The following EEFSEC variants were observed in gnomAD, a reference collection of about 807,000 sequenced individuals.
The protein encoded by EEFSEC is eukaryotic elongation factor, selenocysteine-tRNA specific.
Under a neutral mutation model 42.1 loss-of-function variants are expected in EEFSEC, and 43 were observed. That is an observed-to-expected ratio of 1.02 (90% CI 0.80 to 1.32). The LOEUF (loss-of-function observed/expected upper bound fraction) is 1.32. Ranked by LOEUF, EEFSEC falls within the 40% of genes most tolerant of loss-of-function variation. The probability of loss-of-function intolerance (pLI) is 0.00; values close to 1 mark genes in which losing one functional copy is unlikely to be tolerated. For synonymous variants in EEFSEC, 354 were observed against 339.1 expected (o/e 1.04, Z -0.48); for missense variants, 745 against 803.6 (o/e 0.93, Z 0.88).
downstream of EEFSEC, among the ~76,000 whole-genome samples, chr3:128,409,909 T>C (rs973379542): frequency 5.9e-5 from 9 of 152,212 alleles, no homozygotes; most frequent in African/African-American, 1.7e-4. Flanking sequence ...GCCACTTCAC[T>C]GAGGCCACTC....
At chr3:128,372,105 A>G (rs185626828) in intron 6 of EEFSEC, among the ~76,000 whole-genome samples, 1 of 152,370 alleles carries the variant, frequency 6.6e-6, no homozygotes, top group African/African-American at 2.4e-5. Context: ...GTATTTTTCC[A>G]TATGCAGTTA....
At chr3:128,170,104 A>G (rs1321144682) in intron 1 of EEFSEC, among the ~76,000 whole-genome samples, 1 of 152,028 alleles carries the variant, frequency 6.6e-6, no homozygotes, top group Non-Finnish European at 1.5e-5. Flanking sequence ...AGAACTGGAC[A>G]CTCACTGTAG....
At chr3:128,182,911 TG>T (rs2065427089) in intron 1 of EEFSEC, among the ~76,000 whole-genome samples, 1 of 92,918 alleles carries the variant, frequency 1.1e-5, no homozygotes, top group Admixed American at 1.1e-4. Context: ...GGTCTAGTAG[TG>T]GGGGTGGGCG....
chr3:128,238,023 C>T (rs1385981773), intron 1 of EEFSEC, among the ~76,000 whole-genome samples: 1 of 152,182 alleles, frequency 6.6e-6, no homozygotes, highest in East Asian at 1.9e-4. Flanking sequence ...TGAAGTCAGA[C>T]AGCCCTTGGT....
At chr3:128,373,173 A>G (rs752485564) in intron 6 of EEFSEC, among the ~76,000 whole-genome samples, 18 of 152,132 alleles carry the variant, frequency 1.2e-4, no homozygotes, top group Non-Finnish European at 2.2e-4. Context: ...AGGAGCCAGG[A>G]TTTTACCCCA....
At chr3:128,236,485 A>C (rs1014915100) in intron 1 of EEFSEC, among the ~76,000 whole-genome samples, 1 of 152,244 alleles carries the variant, frequency 6.6e-6, no homozygotes, top group African/African-American at 2.4e-5. Context: ...GGCAGGCCGA[A>C]CACTCAACAT....
intron 3 of EEFSEC, 53 bp from the exon 4 acceptor site, chr3:128,264,564 G>T: frequency 6.3e-7 from 1 of 1,588,396 alleles, no homozygotes. Flanking sequence ...CCTCTGCCCT[G>T]CCCCATCTGG....
At chr3:128,413,707 G>A in the EEFSEC span, among the ~76,000 whole-genome samples, 2 of 152,150 alleles carry the variant, frequency 1.3e-5, no homozygotes, top group Non-Finnish European at 2.9e-5. Context: ...AGGCCTGGCT[G>A]GGAGCCCAGG....
At chr3:128,291,842 GA>G (rs2066647590) in intron 4 of EEFSEC, among the ~76,000 whole-genome samples, 1 of 152,170 alleles carries the variant, frequency 6.6e-6, no homozygotes, top group African/African-American at 2.4e-5. Context: ...GGTGAGAACA[GA>G]TATCTTTACC....
At chr3:128,288,200 A>G (rs867656685) in intron 4 of EEFSEC, among the ~76,000 whole-genome samples, 5 of 152,002 alleles carry the variant, frequency 3.3e-5, no homozygotes, top group African/African-American at 7.3e-5. Context: ...CAAGTAAGCG[A>G]TTTTGGTTTT....
intron 6 of EEFSEC, among the ~76,000 whole-genome samples, chr3:128,404,434 G>A (rs1017130244): frequency 6.6e-6 from 1 of 152,260 alleles, no homozygotes; most frequent in African/African-American, 2.4e-5. Flanking sequence ...ATGGACTGCC[G>A]ATTGGGCCAC....
In EEFSEC at chr3:128,386,480, T is replaced by TGG. The variant is rs373890750; in HGVS notation, c.1601-21581_1601-21580dup. ...ATATGGTATCAGCTGAGACAGGCAG[T>TGG]GGGGGGGGGATGCAGTGACAGGTGA... On this transcript the variant is annotated intron_variant, in intron 6 of 6. Coordinates refer to ENST00000254730, the MANE Select transcript of EEFSEC (RefSeq NM_021937.5). Among the ~76,000 whole-genome samples, 488 of 148,342 alleles carry TGG rather than the reference T, an allele frequency of 3.3e-3. 1 individual carries two copies. Among genetic ancestry groups the TGG allele is most frequent in the African/African-American group, 0.011 (451 of 40,038 alleles).
At chr3:128,167,945 C>G (rs1442665154) in intron 1 of EEFSEC, among the ~76,000 whole-genome samples, 1 of 152,190 alleles carries the variant, frequency 6.6e-6, no homozygotes, top group African/African-American at 2.4e-5. Flanking sequence ...GGTAATTCTT[C>G]TGCCTCTGTG....
chr3:128,186,470 T>C (rs2065466272), intron 1 of EEFSEC, among the ~76,000 whole-genome samples: 1 of 152,238 alleles, frequency 6.6e-6, no homozygotes, highest in African/African-American at 2.4e-5. Context: ...CTTGTGCTTT[T>C]GGTGTCATAT....
intron 1 of EEFSEC, among the ~76,000 whole-genome samples, chr3:128,219,815 G>A (rs1050812131): frequency 6.6e-6 from 1 of 151,344 alleles, no homozygotes; most frequent in Non-Finnish European, 1.5e-5. Context: ...AATGAATATC[G>A]AAAGAGTGCC....
intron 6 of EEFSEC, among the ~76,000 whole-genome samples, chr3:128,362,821 C>A (rs981170989): frequency 6.6e-6 from 1 of 152,200 alleles, no homozygotes; most frequent in Non-Finnish European, 1.5e-5. Context: ...GTGCTGCTCA[C>A]GTGCCGGGAG....
chr3:128,378,543 AGGGTCTTTG>A (rs2067735922), intron 6 of EEFSEC, among the ~76,000 whole-genome samples: 1 of 152,162 alleles, frequency 6.6e-6, no homozygotes, highest in Non-Finnish European at 1.5e-5. Context: ...GGAGCCACTG[AGGGTCTTTG>A]GGCAGAGGAA....
At chr3:128,372,619 G>A (rs921421263) in intron 6 of EEFSEC, among the ~76,000 whole-genome samples, 3 of 152,184 alleles carry the variant, frequency 2.0e-5, no homozygotes, top group East Asian at 1.9e-4. Context: ...TGTTACTGCC[G>A]ATGTTCATTT....
At position 128,401,994 on chromosome 3, in the gene EEFSEC, C is replaced by T. The variant is rs1240487201; in HGVS notation, c.1601-6075C>T. Among the ~76,000 whole-genome samples, 4 of 152,328 alleles carry T rather than the reference C, an allele frequency of 2.6e-5. No homozygotes were observed. The South Asian group carries it at 6.2e-4, about 24-fold the overall frequency. ...TCAGCGAGCTTTCTGGCCCTCCCTC[C>T]CCTCCCCGGCTCCTGTGTGCCATGG... On this transcript the variant is annotated intron_variant, in intron 6 of 6. Coordinates refer to ENST00000254730, the MANE Select transcript of EEFSEC (RefSeq NM_021937.5).
Sources: gnomAD v4.1 joint callset for allele counts (sites outside exome capture counted in the v4.1 genomes callset) on GRCh38, gnomAD v4.1.1 for gene constraint, MANE v1.5 for transcripts, NCBI Gene and HGNC (gene_info 2026-07-23, HGNC 2026-07-21) for gene names.